The following MSRA variants were observed in gnomAD, a reference collection of about 807,000 sequenced individuals.
MSRA encodes methionine sulfoxide reductase A, also known as mitochondrial peptide methionine sulfoxide reductase.
Under a neutral mutation model 31.3 loss-of-function variants are expected in MSRA, and 54 were observed. That is an observed-to-expected ratio of 1.73 (90% CI 1.39 to 2.17). The LOEUF is 2.17. Among genes scored for constraint, MSRA ranks in the 30% most tolerant of loss-of-function variants. The probability of loss-of-function intolerance (pLI) is 0.00; values close to 1 mark genes in which losing one functional copy is unlikely to be tolerated. For synonymous variants in MSRA, 169 were observed against 116.5 expected, an observed-to-expected ratio of 1.45 and a Z score of -2.90; for missense variants, 507 against 300.9, an observed-to-expected ratio of 1.69 and a Z score of -5.07.
chr8:10,365,802 C>G (rs1020619009), intron 5 of MSRA, among the ~76,000 whole-genome samples: 2 of 152,194 alleles, frequency 1.3e-5, no homozygotes, highest in Admixed American at 6.5e-5. Flanking sequence ...TGAAGGCACT[C>G]GGAGGTAGAA....
intron 1 of MSRA, among the ~76,000 whole-genome samples, chr8:10,085,426 G>A (rs931441540): frequency 3.3e-5 from 5 of 152,132 alleles, no homozygotes; most frequent in Non-Finnish European, 5.9e-5. Flanking sequence ...TTCTTGCCAC[G>A]TGATATCTAA....
chr8:10,309,638 G>C (rs965574893), intron 4 of MSRA, among the ~76,000 whole-genome samples: 2 of 152,176 alleles, frequency 1.3e-5, no homozygotes, highest in Admixed American at 1.3e-4. Flanking sequence ...GGGCTGCACC[G>C]TCTATGCTGT....
intron 5 of MSRA, among the ~76,000 whole-genome samples, chr8:10,351,610 G>T (rs958335713): frequency 1.3e-5 from 2 of 152,166 alleles, no homozygotes; most frequent in African/African-American, 4.8e-5. Context: ...TTCTGTGAAC[G>T]TCTGGTACTT....
Position 10,349,224 on chromosome 8 carries a change from A to G in MSRA, c.543+29235A>G, listed in dbSNP as rs549158146. ...TTAGAAATTGCTCTGGGTAGCATCA[A>G]CATTGACTCTGCTGGAGGATTCACC... On this transcript the variant is annotated intron_variant, in intron 5 of 5. Coordinates refer to ENST00000317173, the MANE Select transcript of MSRA (RefSeq NM_012331.5). Among the ~76,000 whole-genome samples, 301 of 152,340 alleles carry G rather than the reference A, an allele frequency of 2.0e-3. 1 individual carries two copies. The highest frequency in any genetic ancestry group is 3.0e-3 in the Non-Finnish European group (205 of 68,028).
intron 5 of MSRA, among the ~76,000 whole-genome samples, chr8:10,386,300 C>A (rs1046018372): frequency 1.3e-5 from 2 of 152,110 alleles, no homozygotes; most frequent in Non-Finnish European, 2.9e-5. Flanking sequence ...TCCGCTGTCC[C>A]ATATTAGTTT....
chr8:10,086,075 G>A (rs1798545295), intron 1 of MSRA, among the ~76,000 whole-genome samples: 1 of 152,202 alleles, frequency 6.6e-6, no homozygotes, highest in Non-Finnish European at 1.5e-5. Context: ...AGATTTTGGA[G>A]TAGAAATAAC....
intron 1 of MSRA, among the ~76,000 whole-genome samples, chr8:10,066,688 C>A (rs1797469944): frequency 6.6e-6 from 1 of 152,098 alleles, no homozygotes; most frequent in African/African-American, 2.4e-5. Flanking sequence ...CATCCGTCAC[C>A]AGACCTAGCT....
intron 1 of MSRA, among the ~76,000 whole-genome samples, chr8:10,114,121 A>G (rs60066541): frequency 0.06 from 9,179 of 152,240 alleles, 444 homozygotes; most frequent in African/African-American, 0.13. Flanking sequence ...TGGTTCATCT[A>G]TGTTGCAGCA....
intron 5 of MSRA, among the ~76,000 whole-genome samples, chr8:10,376,654 G>A (rs1805773100): frequency 1.3e-5 from 2 of 152,140 alleles, no homozygotes; most frequent in African/African-American, 4.8e-5. Flanking sequence ...TAAACCCCAA[G>A]GGAATCCTAT....
intron 3 of MSRA, chr8:10,250,849 A>G (rs756129732): frequency 1.5e-5 from 3 of 194,520 alleles, no homozygotes; most frequent in Admixed American, 1.2e-4. Context: ...TATATGTAAT[A>G]AACCTGCACA....
intron 1 of MSRA, among the ~76,000 whole-genome samples, chr8:10,097,269 T>C (rs1420470447): frequency 6.6e-6 from 1 of 152,244 alleles, no homozygotes; most frequent in Admixed American, 6.5e-5. Context: ...TTTGATTTTC[T>C]GTAAAATGAA....
Position 10,054,665 on chromosome 8 carries a change from A to G in MSRA, c.142+7A>G. The G allele has an allele frequency of 6.6e-7, 1 of 1,522,188 alleles. No individual in the cohort carries two copies. Among genetic ancestry groups the G allele is most frequent in the Non-Finnish European group, 8.8e-7 (1 of 1,131,380 alleles). The allele number at this position is 1,522,188 out of a possible 1,614,324, so 94.3% of individuals were successfully genotyped here. A position where few individuals can be genotyped will look rare whatever the true frequency, so the allele number is the denominator to read the frequency against. Reference sequence around the variant, plus strand: ...GAACAGACCCCTGTAGCGGGTAAGCACTGGCCACACGGAAGGCGCGGGCGG... The same window carrying G: ...GAACAGACCCCTGTAGCGGGTAAGCGCTGGCCACACGGAAGGCGCGGGCGG... On this transcript the variant is annotated splice_region_variant and intron_variant, in intron 1 of 5. Coordinates refer to ENST00000317173, the MANE Select transcript of MSRA (RefSeq NM_012331.5).
At chr8:10,425,090 C>G (rs999456609) in intron 5 of MSRA, among the ~76,000 whole-genome samples, 1 of 151,920 alleles carries the variant, frequency 6.6e-6, no homozygotes, top group Admixed American at 6.6e-5. Context: ...TCCCTTTCCC[C>G]TTCTTTCGCA....
In MSRA at chr8:10,299,189, C is replaced by T. The variant is rs570833568; in HGVS notation, c.332-2345C>T. On this transcript the variant is annotated intron_variant, in intron 3 of 5. Coordinates refer to ENST00000317173, the MANE Select transcript of MSRA (RefSeq NM_012331.5). ...GTCTCAATTTACATGTATTTCTTCA[C>T]ATAGGAAGAAATACATGTAAATTGA... is the stretch of plus-strand genomic sequence containing the variant. 4.3e-3 allele frequency among the ~76,000 whole-genome samples: 658 copies of T among 152,082 alleles called. 4 individuals are homozygous for T. The highest frequency in any genetic ancestry group is 6.7e-3 in the Non-Finnish European group (456 of 67,976).
chr8:10,418,903 A>G (rs892750147), intron 5 of MSRA, among the ~76,000 whole-genome samples: 1 of 148,480 alleles, frequency 6.7e-6, no homozygotes, highest in Non-Finnish European at 1.5e-5. Flanking sequence ...AGTTGCAGTG[A>G]GCCATGATCA....
chr8:10,090,295 G>C (rs1023828542), intron 1 of MSRA, among the ~76,000 whole-genome samples: 10 of 152,186 alleles, frequency 6.6e-5, no homozygotes, highest in African/African-American at 2.2e-4. Context: ...CTGGCAGAAG[G>C]GAGCGATGTT....
At chr8:10,129,212 GTCACCCCTGGACATGA>G (rs1801723298) in intron 1 of MSRA, among the ~76,000 whole-genome samples, 1 of 152,046 alleles carries the variant, frequency 6.6e-6, no homozygotes, top group African/African-American at 2.4e-5. Flanking sequence ...TGCTGTCTTG[GTCACCCCTGGACATGA>G]TTGGTATTCT....
chr8:10,146,222 C>T (rs1385744049), intron 1 of MSRA, among the ~76,000 whole-genome samples: 1 of 151,936 alleles, frequency 6.6e-6, no homozygotes, highest in East Asian at 1.9e-4. Flanking sequence ...GTTTTTTTTC[C>T]CCTAGCTATT....
At chr8:10,283,021 C>A (rs1488096314) in intron 3 of MSRA, among the ~76,000 whole-genome samples, 2 of 151,982 alleles carry the variant, frequency 1.3e-5, no homozygotes, top group African/African-American at 4.8e-5. Flanking sequence ...GATGAAAATT[C>A]CATTCTTAAC....
Sources: allele counts gnomAD v4.1 joint callset (sites outside exome capture counted in the v4.1 genomes callset), GRCh38; gene constraint gnomAD v4.1.1; transcripts MANE v1.5; gene names NCBI Gene and HGNC (gene_info 2026-07-23, HGNC 2026-07-21).